The following PLCL2 variants were observed in gnomAD, a reference collection of about 807,000 sequenced individuals.
PLCL2 encodes the protein inactive phospholipase C-like protein 2.
PLCL2 carries 4 observed loss-of-function variants against 79.6 expected under a neutral mutation model. The observed-to-expected ratio is 0.05, with a 90% confidence interval of 0.02 to 0.11. The LOEUF is 0.11. Ranked by LOEUF, PLCL2 falls within the 10% of genes least tolerant of loss-of-function variation. The probability of loss-of-function intolerance (pLI) is 1.00; values close to 1 mark genes in which losing one functional copy is unlikely to be tolerated. For synonymous variants in PLCL2, 484 were observed against 457.7 expected (o/e 1.06, Z -0.73); for missense variants, 895 against 1,291.0 (o/e 0.69, Z 4.70).
chr3:17,037,350 C>T (rs2064668853), intron 3 of PLCL2, among the ~76,000 whole-genome samples: 1 of 152,154 alleles, frequency 6.6e-6, no homozygotes, highest in African/African-American at 2.4e-5. Flanking sequence ...GTGTATACTG[C>T]ACCATTTTTG....
chr3:16,980,274 G>GC (rs2063973691), intron 1 of PLCL2, among the ~76,000 whole-genome samples: 1 of 140,132 alleles, frequency 7.1e-6, no homozygotes, highest in Non-Finnish European at 1.6e-5. Flanking sequence ...GCGGGGGGCT[G>GC]ACCCCCCCCA....
chr3:17,018,802 G>A (rs2064413784), intron 3 of PLCL2, among the ~76,000 whole-genome samples: 1 of 152,144 alleles, frequency 6.6e-6, no homozygotes, highest in Admixed American at 6.5e-5. Flanking sequence ...TTTTGGTGAT[G>A]AATTCAACAC....
At chr3:17,081,131 G>T in intron 5 of PLCL2, 1 of 456,136 alleles carries the variant, frequency 2.2e-6, no homozygotes, top group South Asian at 1.6e-5. Flanking sequence ...TGTGGAGCAG[G>T]TGGTATCAGT....
At chr3:16,893,500 C>A (rs1037176970) in intron 1 of PLCL2, among the ~76,000 whole-genome samples, 2 of 152,052 alleles carry the variant, frequency 1.3e-5, no homozygotes, top group East Asian at 3.8e-4. Context: ...TCCCAGAAAC[C>A]AAGCAGCTGG....
Position 16,963,534 on chromosome 3 carries a change from CA to C in PLCL2, c.328-46139del, listed in dbSNP as rs751425880. On this transcript the variant is annotated intron_variant, in intron 1 of 5. Coordinates refer to ENST00000615277, the MANE Select transcript of PLCL2 (RefSeq NM_001144382.2). ...ATGCCAGCAAATATACATACCTGAG[CA>C]TAGCATTTATGACTTTAGATTAAAA... 3.9e-4 allele frequency among the ~76,000 whole-genome samples: 59 copies of C among 152,230 alleles called. 1 individual carries two copies. The highest frequency in any genetic ancestry group is 2.2e-4 in the Non-Finnish European group (15 of 67,998).
chr3:16,964,290 G>A (rs894452022), intron 1 of PLCL2, among the ~76,000 whole-genome samples: 2 of 151,180 alleles, frequency 1.3e-5, no homozygotes, highest in African/African-American at 2.4e-5. Context: ...CTGTCCTTGC[G>A]ATAGTTTCCT....
chr3:16,934,438 A>AG (rs1430247465), intron 1 of PLCL2, among the ~76,000 whole-genome samples: 1 of 152,190 alleles, frequency 6.6e-6, no homozygotes, highest in Non-Finnish European at 1.5e-5. Flanking sequence ...GCATGCCCAG[A>AG]GATCATCATG....
intron 1 of PLCL2, among the ~76,000 whole-genome samples, chr3:16,952,478 G>T (rs970737870): frequency 1.7e-4 from 24 of 144,890 alleles, no homozygotes; most frequent in African/African-American, 6.1e-4. Flanking sequence ...TGCATTATTT[G>T]TAATAGTGAA....
intron 5 of PLCL2, among the ~76,000 whole-genome samples, chr3:17,088,057 G>A (rs548350228): frequency 2.0e-5 from 3 of 152,098 alleles, no homozygotes; most frequent in East Asian, 1.9e-4. Flanking sequence ...GTTAATCTAC[G>A]CAAGGGAACA....
At chr3:16,972,128 G>C (rs574296289) in intron 1 of PLCL2, among the ~76,000 whole-genome samples, 1 of 152,112 alleles carries the variant, frequency 6.6e-6, no homozygotes, top group Non-Finnish European at 1.5e-5. Context: ...ACAAGACAGG[G>C]ATGCCCCCTC....
At position 17,010,786 on chromosome 3, in the gene PLCL2, T is replaced by C. The variant is rs748909135; in HGVS notation, c.1440T>C (p.Asn480=). 5.5e-5 allele frequency: 88 copies of C among 1,614,074 alleles called. No individual in the cohort carries two copies. The highest frequency in any genetic ancestry group is 7.0e-5 in the Non-Finnish European group (83 of 1,180,030). ...TAGATGTATGGGATGGGCCGGACAA[T>C]GAACCTGTAATTTACACAGGCCACA... The part of the protein sequence containing the change: ...VELDVWDGPD[N]EPVIYTGHTM... Residue 480 remains asparagine, a synonymous_variant, in exon 2 of 6, where the codon AAT becomes AAC. Transcript: ENST00000615277. This position sits in a 1 kb window ranked among gnomAD's most constrained non-coding sequence, Gnocchi z 5.8.
intron 1 of PLCL2, among the ~76,000 whole-genome samples, chr3:16,931,922 G>A (rs1309972715): frequency 2.0e-5 from 3 of 152,120 alleles, no homozygotes; most frequent in Non-Finnish European, 4.4e-5. Flanking sequence ...CATGAAGGAG[G>A]AGCCCTCATG....
At position 17,011,972 on chromosome 3, in the gene PLCL2, G is replaced by A. The variant is rs777576549; in HGVS notation, c.2626G>A (p.Val876Ile). 4 of 1,614,130 alleles carry A rather than the reference G, an allele frequency of 2.5e-6. No individual in the cohort carries two copies. The East Asian group carries it at 6.7e-5, about 27-fold the overall frequency. Reference sequence around the variant, plus strand: ...GGTCCTTGCACATGCTTCTTTATTTGTCCACGTGGCTATTACTAACCGAAG... The same window carrying A: ...GGTCCTTGCACATGCTTCTTTATTTATCCACGTGGCTATTACTAACCGAAG... ...GEVLAHASLF[V>I]HVAITNRRGG... Residue 876 changes from valine (V) to isoleucine (I), a missense_variant, in exon 2 of 6, where the codon GTC becomes ATC. This residue lies in a region of PLCL2 where 298 missense variants were observed against 459.6 expected (regional missense o/e 0.65). Transcript: ENST00000615277. This position sits in a 1 kb window ranked among gnomAD's most constrained non-coding sequence, Gnocchi z 7.9.
rs1225569986 is a variant in PLCL2, at chr3:16,885,159, T to G, written c.120T>G (p.Gly40=). 7 of 508,584 alleles carry G rather than the reference T, an allele frequency of 1.4e-5. No homozygotes were observed. The highest frequency in any genetic ancestry group is 3.7e-5 in the Admixed American group (1 of 27,074). The allele number at this position is 508,584 out of a possible 1,614,324, so 31.5% of individuals were successfully genotyped here. Reference sequence around the variant, plus strand: ...TGGGGGAAGGCGGTGGCGGGGGAGGTCGCCTCGGCCACGGGCGGGCGCGCT... The same window carrying G: ...TGGGGGAAGGCGGTGGCGGGGGAGGGCGCCTCGGCCACGGGCGGGCGCGCT... The part of the protein sequence containing the change: ...AGVGEGGGGG[G]RLGHGRARYD... The change falls in exon 1 of 6, where the codon GGT becomes GGG. Residue 40 remains glycine, a synonymous_variant. Coordinates refer to ENST00000615277, the MANE Select transcript of PLCL2 (RefSeq NM_001144382.2).
chr3:16,962,154 T>C lies in PLCL2; in HGVS notation c.328-47520T>C, dbSNP rs575269539. 6.6e-5 allele frequency among the ~76,000 whole-genome samples: 10 copies of C among 152,298 alleles called. No individual in the cohort carries two copies. The South Asian group carries it at 1.7e-3, about 25-fold the overall frequency. The stretch of plus-strand genomic sequence containing the variant: ...CATTTTCCTCTTATGGCAGTACATA[T>C]GTAAGGAATAGACAGTTGAAAGAAT... On this transcript the variant is annotated intron_variant, in intron 1 of 5. Coordinates refer to ENST00000615277, the MANE Select transcript of PLCL2 (RefSeq NM_001144382.2).
At chr3:17,034,381 A>G (rs2124912651) in intron 3 of PLCL2, among the ~76,000 whole-genome samples, 1 of 152,336 alleles carries the variant, frequency 6.6e-6, no homozygotes, top group Admixed American at 6.5e-5. Flanking sequence ...ATGAATAAAT[A>G]AATGAATGAA....
At chr3:17,004,154 C>A (rs1481799991) in intron 1 of PLCL2, among the ~76,000 whole-genome samples, 1 of 151,992 alleles carries the variant, frequency 6.6e-6, no homozygotes, top group African/African-American at 2.4e-5. Context: ...TCTGTGTGAC[C>A]GTGGCTCTCT....
intron 1 of PLCL2, among the ~76,000 whole-genome samples, chr3:16,976,432 TC>T (rs1688936389): frequency 6.6e-6 from 1 of 152,216 alleles, no homozygotes; most frequent in Admixed American, 6.5e-5. Context: ...AATTCTTTCT[TC>T]TTAGGAGAAA....
chr3:16,894,919 TAAAG>T (rs1452581392), intron 1 of PLCL2, among the ~76,000 whole-genome samples: 3 of 152,116 alleles, frequency 2.0e-5, no homozygotes, highest in Admixed American at 1.3e-4. Flanking sequence ...TTGAAGAAAA[TAAAG>T]GATATCGCTT....
Sources: gnomAD v4.1 joint callset for allele counts (sites outside exome capture counted in the v4.1 genomes callset) on GRCh38, gnomAD v4.1.1 for gene constraint, gnomAD v4.1.1 regional missense constraint, Gnocchi (gnomAD v3.1) non-coding constraint, MANE v1.5 for transcripts, NCBI Gene and HGNC (gene_info 2026-07-23, HGNC 2026-07-21) for gene names.